The following SLCO6A1 variants were observed in gnomAD, a reference collection of about 807,000 sequenced individuals.
SLCO6A1 encodes solute carrier organic anion transporter family member 6A1.
Under a neutral mutation model 72.7 loss-of-function variants are expected in SLCO6A1, and 65 were observed. That is an observed-to-expected ratio of 0.89 (90% CI 0.73 to 1.10). The LOEUF (loss-of-function observed/expected upper bound fraction) is 1.10, where lower values mean the gene tolerates loss of function less well. Ranked by LOEUF, SLCO6A1 falls within the 50% of genes least tolerant of loss-of-function variation. The probability of loss-of-function intolerance (pLI) is 0.00; values close to 1 mark genes in which losing one functional copy is unlikely to be tolerated. For missense variants in SLCO6A1, 874 were observed against 872.6 expected, an observed-to-expected ratio of 1.00 and a Z score of -0.02; for synonymous variants, 314 against 298.2, an observed-to-expected ratio of 1.05 and a Z score of -0.55.
intron 3 of SLCO6A1, among the ~76,000 whole-genome samples, chr5:102,476,393 G>A (rs1751903260): frequency 6.6e-6 from 1 of 152,094 alleles, no homozygotes; most frequent in Non-Finnish European, 1.5e-5. Flanking sequence ...CAATCTTTAG[G>A]TAGAATTGCT....
At chr5:102,466,391 G>T (rs542997604) in intron 4 of SLCO6A1, among the ~76,000 whole-genome samples, 3 of 152,160 alleles carry the variant, frequency 2.0e-5, no homozygotes, top group South Asian at 4.1e-4. Flanking sequence ...ATTCCCTGGT[G>T]TATATTTACC....
intron 4 of SLCO6A1, among the ~76,000 whole-genome samples, chr5:102,466,182 C>T (rs1301028033): frequency 6.6e-6 from 1 of 151,992 alleles, no homozygotes; most frequent in East Asian, 1.9e-4. Context: ...CTCCCCCCAC[C>T]CTCTGCCCTC....
rs752032324 is a variant in SLCO6A1, at chr5:102,420,023, TA to T, written c.1277-3del. ...CACCTCCTGGAATTAAAACAAGTCC[TA>T]AAAAAAAGGAGGAGAAAAACACAGT... On this transcript the variant is annotated splice_polypyrimidine_tract_variant and splice_region_variant and intron_variant, in intron 7 of 13. Transcript: ENST00000506729. 68 of 1,557,128 alleles carry T rather than the reference TA, an allele frequency of 4.4e-5. No individual in the cohort carries two copies. The highest frequency in any genetic ancestry group is 9.1e-5 in the Admixed American group (4 of 43,718).
Position 102,458,491 on chromosome 5 carries a change from C to A in SLCO6A1, c.1022G>T (p.Gly341Val). The change falls in exon 6 of 14, where the codon GGT becomes GTT. Residue 341 changes from glycine to valine, a missense_variant and splice_region_variant. By Grantham distance (109) the Gly-to-Val change is moderately radical. Coordinates refer to ENST00000506729, the MANE Select transcript of SLCO6A1 (RefSeq NM_173488.5). ...TTTCCTAGCTTTTATCCGTGTTGAACCTATATATAAACAAGTAAAAAAACT... is the reference window on the plus strand; with the variant it reads ...TTTCCTAGCTTTTATCCGTGTTGAAACTATATATAAACAAGTAAAAAAACT... Reference protein sequence around the residue: ...PLSCFPNNMPGSTRIKARKRK... With the variant: ...PLSCFPNNMPVSTRIKARKRK... The A allele has an allele frequency of 6.2e-7, 1 of 1,605,128 alleles. No individual in the cohort carries two copies. Among genetic ancestry groups the A allele is most frequent in the Non-Finnish European group, 8.5e-7 (1 of 1,175,662 alleles).
At chr5:102,393,786 A>G (rs1340442652) in intron 10 of SLCO6A1, among the ~76,000 whole-genome samples, 1 of 152,108 alleles carries the variant, frequency 6.6e-6, no homozygotes, top group Non-Finnish European at 1.5e-5. Context: ...GGAGACATAA[A>G]TATGTTAAAA....
At chr5:102,409,321 G>A (rs573886691) in intron 9 of SLCO6A1, among the ~76,000 whole-genome samples, 2 of 152,166 alleles carry the variant, frequency 1.3e-5, no homozygotes, top group Admixed American at 6.5e-5. Context: ...TCTAGCTTAT[G>A]TTGGCCCTGA....
intron 10 of SLCO6A1, among the ~76,000 whole-genome samples, chr5:102,397,453 G>A (rs918681695): frequency 6.6e-6 from 1 of 152,102 alleles, no homozygotes; most frequent in African/African-American, 2.4e-5. Flanking sequence ...TTTACTGCCA[G>A]CCCAGGGTTT....
At chr5:102,415,886 A>AG (rs1283502660) in intron 8 of SLCO6A1, among the ~76,000 whole-genome samples, 1 of 152,148 alleles carries the variant, frequency 6.6e-6, no homozygotes, top group African/African-American at 2.4e-5. Flanking sequence ...TTTCACTGAA[A>AG]GGGGGCAAAT....
intron 12 of SLCO6A1, among the ~76,000 whole-genome samples, chr5:102,387,488 G>A (rs922172327): frequency 5.9e-5 from 9 of 152,062 alleles, no homozygotes; most frequent in Non-Finnish European, 1.0e-4. Flanking sequence ...ACTTCCTTAA[G>A]AACATTTCTT....
intron 6 of SLCO6A1, among the ~76,000 whole-genome samples, chr5:102,452,357 T>A (rs578092121): frequency 6.6e-6 from 1 of 152,152 alleles, no homozygotes; most frequent in Non-Finnish European, 1.5e-5. Context: ...CTCCAAACTT[T>A]ATGTTTTTAT....
intron 7 of SLCO6A1, among the ~76,000 whole-genome samples, chr5:102,427,782 T>G (rs1403165229): frequency 6.6e-6 from 1 of 150,500 alleles, no homozygotes; most frequent in African/African-American, 2.4e-5. Flanking sequence ...ATAAGATGTT[T>G]ATAAAAGGGG....
intron 7 of SLCO6A1, among the ~76,000 whole-genome samples, chr5:102,420,492 A>T (rs1308512932): frequency 6.6e-6 from 1 of 152,188 alleles, no homozygotes. Context: ...ATCTCACAAC[A>T]AAGTGGGACT....
rs1750739633 is a variant in SLCO6A1, at chr5:102,373,452, G to A, written c.2060C>T (p.Ala687Val). The change falls in exon 13 of 14, where the codon GCA becomes GTA. Residue 687 changes from alanine to valine, a missense_variant. Ala to Val is a moderately conservative substitution (Grantham distance 64, BLOSUM62 0). Coordinates refer to ENST00000506729, the MANE Select transcript of SLCO6A1 (RefSeq NM_173488.5). Reference protein sequence around the residue: ...KLCTIIFTTIAFFIYKRRLNE... With the variant: ...KLCTIIFTTIVFFIYKRRLNE... The stretch of plus-strand genomic sequence containing the variant: ...TAGACGACGTTTGTATATGAAAAAT[G>A]CAATAGTAGTGAAGATGATAGTGCA... 1 of 1,569,368 alleles carries A rather than the reference G, an allele frequency of 6.4e-7. No homozygotes were observed.
chr5:102,406,777 T>C (rs1268482008), intron 9 of SLCO6A1, among the ~76,000 whole-genome samples: 2 of 151,948 alleles, frequency 1.3e-5, no homozygotes, highest in Non-Finnish European at 2.9e-5. Flanking sequence ...AACTAAAAAA[T>C]ACAAGTGAAA....
intron 7 of SLCO6A1, among the ~76,000 whole-genome samples, chr5:102,429,861 T>G (rs981463844): frequency 2.0e-5 from 3 of 152,236 alleles, no homozygotes; most frequent in Non-Finnish European, 4.4e-5. Context: ...GGTAGTTTAA[T>G]AGGAATAGCA....
chr5:102,425,124 A>G (rs1176586706), intron 7 of SLCO6A1, among the ~76,000 whole-genome samples: 3 of 152,196 alleles, frequency 2.0e-5, no homozygotes, highest in Non-Finnish European at 2.9e-5. Flanking sequence ...ATATATCAAA[A>G]TAATAAGAGC....
intron 12 of SLCO6A1, among the ~76,000 whole-genome samples, chr5:102,376,477 A>G (rs1745800190): frequency 1.3e-5 from 2 of 152,162 alleles, no homozygotes; most frequent in South Asian, 4.1e-4. Context: ...AAAAATAACA[A>G]TTCATCAAAA....
intron 7 of SLCO6A1, among the ~76,000 whole-genome samples, chr5:102,426,845 A>G (rs983782449): frequency 6.6e-6 from 1 of 152,214 alleles, no homozygotes; most frequent in African/African-American, 2.4e-5. Context: ...ACTATTTACA[A>G]TAGCAAAGGC....
At chr5:102,468,605 C>A (rs1335898926) in intron 4 of SLCO6A1, among the ~76,000 whole-genome samples, 3 of 151,844 alleles carry the variant, frequency 2.0e-5, no homozygotes, top group African/African-American at 7.3e-5. Context: ...TCTTTTTTAA[C>A]TGTTGTTACT....
Sources: gnomAD v4.1 joint callset for allele counts (sites outside exome capture counted in the v4.1 genomes callset) on GRCh38, gnomAD v4.1.1 for gene constraint, MANE v1.5 for transcripts, NCBI Gene and HGNC (gene_info 2026-07-23, HGNC 2026-07-21) for gene names.